ERICH5: variants seen among roughly 807,000 people sequenced by gnomAD.
The protein encoded by ERICH5 is glutamate-rich protein 5.
Under a neutral mutation model 28.0 loss-of-function variants are expected in ERICH5, and 24 were observed. The observed-to-expected ratio is 0.86, with a 90% CI of 0.62 to 1.21. The LOEUF (loss-of-function observed/expected upper bound fraction) is 1.21. ERICH5 is among the 50% of genes most tolerant of loss of function. ERICH5 has a pLI of 0.00. For synonymous variants in ERICH5, 163 were observed against 157.6 expected, an observed-to-expected ratio of 1.03 and a Z score of -0.25; for missense variants, 421 against 441.2, an observed-to-expected ratio of 0.95 and a Z score of 0.41.
chr8:98,092,688 A>G (rs1347072756), intron 2 of ERICH5, among the ~76,000 whole-genome samples: 1 of 152,152 alleles, frequency 6.6e-6, no homozygotes, highest in Non-Finnish European at 1.5e-5. Flanking sequence ...TTCTTTCATA[A>G]GAGTATGCCA....
chr8:98,083,662 GT>G (rs1296937545), intron 1 of ERICH5, among the ~76,000 whole-genome samples: 2 of 152,006 alleles, frequency 1.3e-5, no homozygotes, highest in Non-Finnish European at 2.9e-5. Context: ...GAACCTCTAT[GT>G]AAAACTACCC....
chr8:98,080,964 A>G (rs970296644), intron 1 of ERICH5, among the ~76,000 whole-genome samples: 2 of 151,546 alleles, frequency 1.3e-5, no homozygotes, highest in Non-Finnish European at 2.9e-5. Context: ...CGGCCTCCCA[A>G]AGTGCTGGGA....
intron 1 of ERICH5, among the ~76,000 whole-genome samples, chr8:98,082,414 G>C (rs545659927): frequency 6.6e-6 from 1 of 152,284 alleles, no homozygotes; most frequent in African/African-American, 2.4e-5. Context: ...AGGAGGTGGA[G>C]GTGGGTGGAT....
intron 1 of ERICH5, among the ~76,000 whole-genome samples, chr8:98,077,990 A>G (rs528454965): frequency 9.8e-5 from 15 of 152,360 alleles, no homozygotes; most frequent in African/African-American, 2.9e-4. Context: ...TTATTAAAAA[A>G]GAAAAGTGGT....
chr8:98,073,458 ATG>A (rs1227858003), intron 1 of ERICH5, among the ~76,000 whole-genome samples: 643 of 9,686 alleles, frequency 0.066, 118 homozygotes, highest in East Asian at 0.17. Context: ...ATATATATAT[ATG>A]TATATATATA....
chr8:98,078,930 A>G (rs1815113363), intron 1 of ERICH5, among the ~76,000 whole-genome samples: 1 of 152,186 alleles, frequency 6.6e-6, no homozygotes. Context: ...ACAAAAATAT[A>G]TCTCATTGCT....
intron 2 of ERICH5, among the ~76,000 whole-genome samples, chr8:98,092,282 C>T (rs1321821823): frequency 1.3e-5 from 2 of 152,006 alleles, no homozygotes; most frequent in Non-Finnish European, 2.9e-5. Context: ...TCAATCCATT[C>T]TCCCTCCTCG....
chr8:98,064,961 A>C (rs1814793559), intron 1 of ERICH5, among the ~76,000 whole-genome samples: 1 of 151,996 alleles, frequency 6.6e-6, no homozygotes. Context: ...TCGCTGCGAG[A>C]CGCGCGGGGC....
At chr8:98,075,749 TTGCTAAC>T (rs1322911417) in intron 1 of ERICH5, among the ~76,000 whole-genome samples, 2 of 145,706 alleles carry the variant, frequency 1.4e-5, no homozygotes, top group African/African-American at 4.9e-5. Flanking sequence ...AGCCACACAG[TTGCTAAC>T]TGCTAACTCC....
At position 98,085,136 on chromosome 8, in the gene ERICH5, C is replaced by CTTTTTTTTTTTTTTT. The variant is rs760470751; in HGVS notation, c.59-3912_59-3898dup. On this transcript the variant is annotated intron_variant, in intron 1 of 2. Coordinates refer to ENST00000318528, the MANE Select transcript of ERICH5 (RefSeq NM_173549.3). ...TTCCCTGGTGTGAACGTTCCACAGC[C>CTTTTTTTTTTTTTTT]TTTTTTTTTTTTTTTTTTTTTTTTT... 3.1e-4 allele frequency among the ~76,000 whole-genome samples: 18 copies of CTTTTTTTTTTTTTTT among 57,318 alleles called. 3 individuals carry two copies. The highest frequency in any genetic ancestry group is 6.3e-4 in the Non-Finnish European group (18 of 28,402). 37.6% of individuals were successfully genotyped at this position (57,318 alleles called of 152,430 possible). A position where few individuals can be genotyped will look rare whatever the true frequency, so the allele number is the denominator to read the frequency against.
chr8:98,073,268 T>C (rs1018472749), intron 1 of ERICH5, among the ~76,000 whole-genome samples: 1 of 150,430 alleles, frequency 6.6e-6, no homozygotes, highest in African/African-American at 2.4e-5. Flanking sequence ...AGTTAATACA[T>C]ATAATGCACT....
rs769042472 is a variant in ERICH5, at chr8:98,070,660, C to CAAAAAAAAAAAAAAAAAAAAAAAAA, written c.58+5955_58+5956insAAAAAAAAAAAAAAAAAAAAAAAAA. Among the ~76,000 whole-genome samples, 32 of 38,746 alleles carry CAAAAAAAAAAAAAAAAAAAAAAAAA rather than the reference C, an allele frequency of 8.3e-4. 1 individual carries two copies. The highest frequency in any genetic ancestry group is 1.1e-3 in the Non-Finnish European group (21 of 19,422). The allele number at this position is 38,746 out of a possible 152,430, so 25.4% of individuals were successfully genotyped here. On this transcript the variant is annotated intron_variant, in intron 1 of 2. Coordinates refer to ENST00000318528, the MANE Select transcript of ERICH5 (RefSeq NM_173549.3). ...GGGCAACAAGAGTGAAACTGCATCTCAAAAAAAAAAAAAAAAAAAAAAGAA... is the reference window on the plus strand; with the variant it reads ...GGGCAACAAGAGTGAAACTGCATCTCAAAAAAAAAAAAAAAAAAAAAAAAAAAAAAAAAAAAAAAAAAAAAAAGAA...
intron 2 of ERICH5, among the ~76,000 whole-genome samples, chr8:98,091,049 C>T (rs1006503047): frequency 2.6e-5 from 4 of 152,058 alleles, no homozygotes; most frequent in South Asian, 2.1e-4. Context: ...GCGATTCTCC[C>T]GCCTCAGCCT....
intron 1 of ERICH5, among the ~76,000 whole-genome samples, chr8:98,078,046 T>C (rs1815091548): frequency 6.6e-6 from 1 of 152,204 alleles, no homozygotes; most frequent in Non-Finnish European, 1.5e-5. Context: ...TGGTTGATAA[T>C]TTTATATGTC....
At chr8:98,091,900 C>CTTTCCTTTCTTTCTTTCTTT in intron 2 of ERICH5, among the ~76,000 whole-genome samples, 92 of 74,680 alleles carry the variant, frequency 1.2e-3, no homozygotes, top group Middle Eastern at 0.015. Context: ...TTCTTTCTTT[C>CTTTCCTTTCTTTCTTTCTTT]CTTTCTTTCT....
chr8:98,080,646 CCTTCTT>C (rs548571562), intron 1 of ERICH5, among the ~76,000 whole-genome samples: 101 of 150,860 alleles, frequency 6.7e-4, no homozygotes, highest in Admixed American at 1.2e-3. Context: ...TTCTCCTTCT[CCTTCTT>C]CTTCTCCTCC....
chr8:98,082,236 A>G (rs1815196345), intron 1 of ERICH5, among the ~76,000 whole-genome samples: 1 of 152,218 alleles, frequency 6.6e-6, no homozygotes, highest in African/African-American at 2.4e-5. Flanking sequence ...TTAAAAGACA[A>G]TGACATTCTT....
intron 1 of ERICH5, among the ~76,000 whole-genome samples, chr8:98,079,825 T>C (rs1809172): frequency 0.41 from 62,658 of 151,944 alleles, 13,148 homozygotes; most frequent in African/African-American, 0.49. Flanking sequence ...CAGGGTGAGC[T>C]ACCGTGCCCG....
chr8:98,083,497 CA>C (rs1296260943), intron 1 of ERICH5, among the ~76,000 whole-genome samples: 2 of 152,000 alleles, frequency 1.3e-5, no homozygotes, highest in Non-Finnish European at 2.9e-5. Flanking sequence ...TAAGTCTCAT[CA>C]GGTTTTTCTT....
Sources: allele counts gnomAD v4.1 joint callset (sites outside exome capture counted in the v4.1 genomes callset), GRCh38; gene constraint gnomAD v4.1.1; transcripts MANE v1.5; gene names NCBI Gene and HGNC (gene_info 2026-07-23, HGNC 2026-07-21).